FRMD4A: variants seen among roughly 807,000 people sequenced by gnomAD.
The protein encoded by FRMD4A is FERM domain containing 4A.
In FRMD4A, 29 loss-of-function variants were observed where a neutral mutation model predicts 129.1. The ratio of observed to expected loss-of-function variants is 0.22; its 90% CI spans 0.17 to 0.31. FRMD4A has a LOEUF of 0.31. FRMD4A is among the 10% of genes least tolerant of loss of function. The pLI is 1.00. For missense variants in FRMD4A, 1,272 were observed against 1,375.8 expected (o/e 0.92, Z 1.19); for synonymous variants, 634 against 571.6 (o/e 1.11, Z -1.56).
chr10:13,874,177 C>T (rs1489206489), intron 2 of FRMD4A, among the ~76,000 whole-genome samples: 2 of 135,836 alleles, frequency 1.5e-5, no homozygotes, highest in African/African-American at 5.6e-5. Context: ...ACCTGCCAGG[C>T]GCAGGTTGTG....
chr10:13,936,599 G>A (rs1220993985), intron 2 of FRMD4A, among the ~76,000 whole-genome samples: 1 of 152,166 alleles, frequency 6.6e-6, no homozygotes, highest in South Asian at 2.1e-4. Flanking sequence ...GAAGACTGCT[G>A]TCTATGAACC....
intron 2 of FRMD4A, among the ~76,000 whole-genome samples, chr10:14,313,107 T>A (rs1353902288): frequency 2.0e-5 from 3 of 152,084 alleles, no homozygotes; most frequent in Non-Finnish European, 4.4e-5. Context: ...AATCCCAATA[T>A]TTTGGGAGGC....
At chr10:14,228,589 G>A (rs888956377) in intron 2 of FRMD4A, among the ~76,000 whole-genome samples, 1 of 152,178 alleles carries the variant, frequency 6.6e-6, no homozygotes, top group Non-Finnish European at 1.5e-5. Context: ...GAAACAAGAG[G>A]GTGATATAGC....
intron 3 of FRMD4A, among the ~76,000 whole-genome samples, chr10:13,818,170 A>G (rs1367465142): frequency 6.6e-6 from 1 of 151,982 alleles, no homozygotes; most frequent in African/African-American, 2.4e-5. Flanking sequence ...TGTTATTATT[A>G]TTATTGTTTT....
At chr10:13,813,047 C>T (rs962197333) in intron 3 of FRMD4A, among the ~76,000 whole-genome samples, 10 of 152,240 alleles carry the variant, frequency 6.6e-5, no homozygotes, top group Admixed American at 3.9e-4. Flanking sequence ...TTGCCATGGG[C>T]TGTGGCCAGC....
chr10:14,232,786 T>C (rs1451397137), intron 2 of FRMD4A, among the ~76,000 whole-genome samples: 1 of 152,214 alleles, frequency 6.6e-6, no homozygotes, highest in African/African-American at 2.4e-5. Flanking sequence ...ATCCTGAAAC[T>C]TTGCTGAAGT....
At chr10:14,186,606 G>C (rs1395795230) in intron 2 of FRMD4A, among the ~76,000 whole-genome samples, 1 of 152,120 alleles carries the variant, frequency 6.6e-6, no homozygotes, top group East Asian at 1.9e-4. Flanking sequence ...ATGGTCTAGG[G>C]ACCCTGCTTC....
intron 13 of FRMD4A, among the ~76,000 whole-genome samples, chr10:13,702,078 A>G (rs2086887066): frequency 6.6e-6 from 1 of 152,118 alleles, no homozygotes; most frequent in Non-Finnish European, 1.5e-5. Context: ...GATACATTTC[A>G]TTTATATTTT....
Position 13,955,112 on chromosome 10 carries a change from C to CTTTTTTTTTTTTTTTTTTTTTTTT in FRMD4A, c.46-96201_46-96200insAAAAAAAAAAAAAAAAAAAAAAAA, listed in dbSNP as rs71388139. Reference sequence around the variant, plus strand: ...TTCCAACCCCATGTTAATAATTCTGCTTTTTTTTTTTTTGAGACGGAGTAT... The same window carrying CTTTTTTTTTTTTTTTTTTTTTTTT: ...TTCCAACCCCATGTTAATAATTCTGCTTTTTTTTTTTTTTTTTTTTTTTTTTTTTTTTTTTTTGAGACGGAGTAT... On this transcript the variant is annotated intron_variant, in intron 2 of 24. Coordinates refer to ENST00000357447, the MANE Select transcript of FRMD4A (RefSeq NM_018027.5). Among the ~76,000 whole-genome samples, 8 of 102,972 alleles carry CTTTTTTTTTTTTTTTTTTTTTTTT rather than the reference C, an allele frequency of 7.8e-5. 3 individuals are homozygous for CTTTTTTTTTTTTTTTTTTTTTTTT. Among genetic ancestry groups the CTTTTTTTTTTTTTTTTTTTTTTTT allele is most frequent in the African/African-American group, 7.7e-5 (2 of 25,858 alleles). The allele number at this position is 102,972 out of a possible 152,430, so 67.6% of individuals were successfully genotyped here. A position where few individuals can be genotyped will look rare whatever the true frequency, so the allele number is the denominator to read the frequency against.
intron 3 of FRMD4A, among the ~76,000 whole-genome samples, chr10:13,850,750 T>C (rs2131009091): frequency 6.6e-6 from 1 of 152,302 alleles, no homozygotes; most frequent in Admixed American, 6.5e-5. Flanking sequence ...TATGGTGCAG[T>C]GAAAAGAGAA....
intron 15 of FRMD4A, among the ~76,000 whole-genome samples, chr10:13,682,930 C>A (rs1270709590): frequency 6.6e-6 from 1 of 152,218 alleles, no homozygotes; most frequent in East Asian, 1.9e-4. Context: ...CTGTCTTGAT[C>A]TCAGCTGGGC....
rs1262153908 is a variant in FRMD4A at position 13,653,980 on chromosome 10, C to T, written c.3050+436G>A. On this transcript the variant is annotated intron_variant, in intron 23 of 24. Coordinates refer to ENST00000357447, the MANE Select transcript of FRMD4A (RefSeq NM_018027.5). ...GGCCAGGACACAGCCCTTTTTCTTGCACCCTGAGACATCCTAAGACACTGG... is the reference window on the plus strand; with the variant it reads ...GGCCAGGACACAGCCCTTTTTCTTGTACCCTGAGACATCCTAAGACACTGG... 5 of 244,052 alleles carry T rather than the reference C, an allele frequency of 2.0e-5. No individual in the cohort carries two copies. The East Asian group carries it at 2.4e-4, about 12-fold the overall frequency. The allele number at this position is 244,052 out of a possible 1,614,324, so 15.1% of individuals were successfully genotyped here.
chr10:14,131,284 C>A (rs115856725), intron 2 of FRMD4A, among the ~76,000 whole-genome samples: 1 of 152,090 alleles, frequency 6.6e-6, no homozygotes, highest in Non-Finnish European at 1.5e-5. Context: ...GAGGCTCAGG[C>A]GATGCAGAAG....
intron 2 of FRMD4A, among the ~76,000 whole-genome samples, chr10:14,043,321 G>T (rs1833859154): frequency 6.6e-6 from 1 of 152,122 alleles, no homozygotes; most frequent in Non-Finnish European, 1.5e-5. Flanking sequence ...GATGTGTGTT[G>T]TGTGGATATA....
chr10:14,243,457 G>A (rs1844122336), intron 2 of FRMD4A, among the ~76,000 whole-genome samples: 1 of 152,190 alleles, frequency 6.6e-6, no homozygotes, highest in Admixed American at 6.5e-5. Context: ...ATGCGGAACT[G>A]TGAGTCAATC....
intron 2 of FRMD4A, among the ~76,000 whole-genome samples, chr10:14,259,787 G>A (rs960363278): frequency 6.6e-5 from 10 of 152,050 alleles, no homozygotes; most frequent in East Asian, 1.9e-4. Context: ...TAAGGGACAC[G>A]GCTCATTGTC....
intron 2 of FRMD4A, among the ~76,000 whole-genome samples, chr10:14,237,263 T>C (rs1428254564): frequency 6.6e-6 from 1 of 151,954 alleles, no homozygotes; most frequent in Non-Finnish European, 1.5e-5. Flanking sequence ...CTAGGTGCTG[T>C]TTCTTATACT....
intron 2 of FRMD4A, among the ~76,000 whole-genome samples, chr10:14,233,213 A>G (rs1422345869): frequency 6.6e-6 from 1 of 152,180 alleles, no homozygotes; most frequent in Admixed American, 6.5e-5. Context: ...TTCTACCTCC[A>G]TTGGAGAGCA....
chr10:13,720,524 T>G (rs949949992), intron 12 of FRMD4A, among the ~76,000 whole-genome samples: 25 of 152,186 alleles, frequency 1.6e-4, no homozygotes, highest in African/African-American at 5.8e-4. Context: ...TGTCAGGCAC[T>G]GAGGATACAG....
Sources: allele counts gnomAD v4.1 joint callset (sites outside exome capture counted in the v4.1 genomes callset), GRCh38; gene constraint gnomAD v4.1.1; transcripts MANE v1.5; gene names NCBI Gene and HGNC (gene_info 2026-07-23, HGNC 2026-07-21).